The following DEFB131A variants were observed in gnomAD, a reference collection of about 807,000 sequenced individuals.
DEFB131A encodes beta-defensin 131A.
A neutral mutation model predicts 2.4 loss-of-function variants in DEFB131A; 5 were observed. The observed-to-expected ratio is 2.12, with a 90% CI of 1.11 to 4.47. The LOEUF (loss-of-function observed/expected upper bound fraction) is 4.47, where lower values mean the gene tolerates loss of function less well. DEFB131A is among the 30% of genes most tolerant of loss of function. The pLI, the probability that DEFB131A is intolerant of heterozygous loss-of-function variation, is 0.00. For missense variants in DEFB131A, 120 were observed against 79.9 expected (o/e 1.50, Z -1.91); for synonymous variants, 34 against 25.7 (o/e 1.32, Z -0.97).
chr4:9,447,922 T>A (rs938437357), intron 1 of DEFB131A, among the ~76,000 whole-genome samples: 2 of 151,742 alleles, frequency 1.3e-5, no homozygotes, highest in African/African-American at 2.4e-5. Context: ...GAAAAAAGAA[T>A]TAAAAAGAAC....
At chr4:9,444,931 A>C (rs941441336) in intron 1 of DEFB131A, among the ~76,000 whole-genome samples, 1 of 151,764 alleles carries the variant, frequency 6.6e-6, no homozygotes, top group Non-Finnish European at 1.5e-5. Flanking sequence ...AAAATACAAA[A>C]AATTAATCAG....
intron 1 of DEFB131A, among the ~76,000 whole-genome samples, chr4:9,444,995 G>A (rs1342945075): frequency 6.6e-6 from 1 of 151,948 alleles, no homozygotes; most frequent in South Asian, 2.1e-4. Context: ...AGGCAGGATC[G>A]CTCGAGCCTG....
chr4:9,444,655 T>C, intron 1 of DEFB131A, 64 bp downstream of exon 1: 1 of 1,533,610 alleles, frequency 6.5e-7, no homozygotes, highest in Non-Finnish European at 8.9e-7. Flanking sequence ...TGCAAGGTCT[T>C]TCAAGAGTCT....
chr4:9,445,434 T>C (rs1286074911), intron 1 of DEFB131A, among the ~76,000 whole-genome samples: 4 of 152,180 alleles, frequency 2.6e-5, no homozygotes, highest in South Asian at 4.1e-4. Flanking sequence ...AGCATATTAA[T>C]TAAATAATCA....
intron 1 of DEFB131A, 61 bp downstream of exon 1, chr4:9,444,652 T>C: frequency 1.9e-6 from 3 of 1,546,324 alleles, no homozygotes; most frequent in South Asian, 1.2e-5. Flanking sequence ...AAATGCAAGG[T>C]CTTTCAAGAG....
At position 9,444,497 on chromosome 4, in the gene DEFB131A, C is replaced by T. The variant is rs1431245896; in HGVS notation, c.-37C>T. On this transcript the variant is annotated 5_prime_UTR_variant, in exon 1 of 2. Transcript: ENST00000334879. ...TACACAGAAGTCCTCTTCATCTCAG[C>T]TACTGATTCTCTCTAACCTGCTTTA... 1 of 1,605,772 alleles carries T rather than the reference C, an allele frequency of 6.2e-7. No homozygotes were observed. Among genetic ancestry groups the T allele is most frequent in the Admixed American group, 1.7e-5 (1 of 58,844 alleles).
intron 1 of DEFB131A, among the ~76,000 whole-genome samples, chr4:9,444,921 A>AAT (rs1286468909): frequency 6.9e-6 from 1 of 144,702 alleles, no homozygotes; most frequent in Non-Finnish European, 1.5e-5. Flanking sequence ...AAAAAAAAAA[A>AAT]AAATACAAAA....
chr4:9,448,349 G>T (rs1338676018), intron 1 of DEFB131A, among the ~76,000 whole-genome samples: 1 of 151,998 alleles, frequency 6.6e-6, no homozygotes, highest in African/African-American at 2.4e-5. Flanking sequence ...TCTCTACTTA[G>T]TAAAATTATC....
intron 1 of DEFB131A, among the ~76,000 whole-genome samples, chr4:9,448,148 T>G (rs909841611): frequency 7.1e-6 from 1 of 139,964 alleles, no homozygotes; most frequent in African/African-American, 2.7e-5. Flanking sequence ...CATATTATAT[T>G]GAAACTGCCA....
chr4:9,450,026 T>G (rs958408078), intron 1 of DEFB131A, among the ~76,000 whole-genome samples: 6 of 152,212 alleles, frequency 3.9e-5, no homozygotes, highest in Non-Finnish European at 1.5e-5. Context: ...CTCAAGAATT[T>G]AACTCCAGAA....
chr4:9,446,586 C>A (rs1312265985), intron 1 of DEFB131A, among the ~76,000 whole-genome samples: 2 of 151,962 alleles, frequency 1.3e-5, no homozygotes, highest in Non-Finnish European at 1.5e-5. Context: ...ATCTTGAATT[C>A]ACTTAGTCCT....
rs1208379533 is a variant in DEFB131A, at chr4:9,447,288, C to T, written c.58+2697C>T. On this transcript the variant is annotated intron_variant, in intron 1 of 1. Transcript: ENST00000334879. ...TTCCACTACTTGGTACATATATATA[C>T]ATATTTGGAATTTTTATATCCTCTT... Among the ~76,000 whole-genome samples, 5 of 152,060 alleles carry T rather than the reference C, an allele frequency of 3.3e-5. 1 individual carries two copies. Among genetic ancestry groups the T allele is most frequent in the Admixed American group, 3.3e-4 (5 of 15,258 alleles).
intron 1 of DEFB131A, 121 bp from the exon 2 acceptor site, chr4:9,450,239 G>T (rs1347761344): frequency 1.7e-6 from 2 of 1,178,418 alleles, no homozygotes; most frequent in South Asian, 3.1e-5. Flanking sequence ...ATTTTTTGCT[G>T]TTGATTTTGT....
At chr4:9,447,913 A>G (rs977569276) in intron 1 of DEFB131A, among the ~76,000 whole-genome samples, 1 of 152,104 alleles carries the variant, frequency 6.6e-6, no homozygotes, top group African/African-American at 2.4e-5. Context: ...AAAAGCAAAG[A>G]AAAAAGAATT....
At chr4:9,447,581 C>A (rs1280135378) in intron 1 of DEFB131A, among the ~76,000 whole-genome samples, 1 of 152,048 alleles carries the variant, frequency 6.6e-6, no homozygotes, top group Admixed American at 6.6e-5. Flanking sequence ...AGCTGCTTGC[C>A]TTCTTGCCAT....
In DEFB131A at chr4:9,450,625, A is replaced by C; in HGVS notation, c.*111A>C. On this transcript the variant is annotated 3_prime_UTR_variant, in exon 2 of 2. Coordinates refer to ENST00000334879, the MANE Select transcript of DEFB131A (RefSeq NM_001040448.3). ...AAAATTATTATAATTGCATGTTTAG[A>C]TGGTCAGGTGAAAATGAATATAAAT... 1 of 1,406,226 alleles carries C rather than the reference A, an allele frequency of 7.1e-7. No individual in the cohort carries two copies. Among genetic ancestry groups the C allele is most frequent in the Non-Finnish European group, 9.6e-7 (1 of 1,036,448 alleles). 87.1% of individuals were successfully genotyped at this position (1,406,226 alleles called of 1,614,324 possible). A position where few individuals can be genotyped will look rare whatever the true frequency, so the allele number is the denominator to read the frequency against.
rs1336952583 is a variant in DEFB131A at position 9,450,619 on chromosome 4, G to A, written c.*105G>A. The A allele has an allele frequency of 1.9e-5, 27 of 1,414,926 alleles. No homozygotes were observed. Among genetic ancestry groups the A allele is most frequent in the African/African-American group, 2.9e-5 (2 of 69,856 alleles). The allele number at this position is 1,414,926 out of a possible 1,614,324, so 87.6% of individuals were successfully genotyped here. On this transcript the variant is annotated 3_prime_UTR_variant, in exon 2 of 2. Coordinates refer to ENST00000334879, the MANE Select transcript of DEFB131A (RefSeq NM_001040448.3). ...TAGATGAAAATTATTATAATTGCAT[G>A]TTTAGATGGTCAGGTGAAAATGAAT...
chr4:9,446,702 G>A (rs1717513030), intron 1 of DEFB131A, among the ~76,000 whole-genome samples: 1 of 151,936 alleles, frequency 6.6e-6, no homozygotes, highest in African/African-American at 2.4e-5. Context: ...ATATTACCAT[G>A]TTCTTGCAGT....
chr4:9,449,627 T>G (rs1717601090), intron 1 of DEFB131A, among the ~76,000 whole-genome samples: 1 of 151,862 alleles, frequency 6.6e-6, no homozygotes, highest in Non-Finnish European at 1.5e-5. Flanking sequence ...TTTCATGATG[T>G]TGGTCATGGC....
Sources: allele counts gnomAD v4.1 joint callset (sites outside exome capture counted in the v4.1 genomes callset), GRCh38; gene constraint gnomAD v4.1.1; transcripts MANE v1.5; gene names NCBI Gene and HGNC (gene_info 2026-07-23, HGNC 2026-07-21).